Variants in CSMD1 observed in about 807,000 individuals in gnomAD.
CSMD1 encodes CUB and sushi domain-containing protein 1.
A neutral mutation model predicts 417.5 loss-of-function variants in CSMD1; 213 were observed. The ratio of observed to expected loss-of-function variants is 0.51; its 90% CI spans 0.46 to 0.57. The LOEUF is 0.57. Ranked by LOEUF, CSMD1 falls within the 20% of genes least tolerant of loss-of-function variation. CSMD1 has a pLI of 0.00. For missense variants in CSMD1, 6,923 were observed against 4,529.7 expected, an observed-to-expected ratio of 1.53 and a Z score of -15.17; for synonymous variants, 2,862 against 1,736.8, an observed-to-expected ratio of 1.65 and a Z score of -16.11.
intron 3 of CSMD1, among the ~76,000 whole-genome samples, chr8:4,167,324 G>C (rs924745677): frequency 3.9e-5 from 6 of 152,066 alleles, no homozygotes; most frequent in African/African-American, 1.4e-4. Flanking sequence ...TAACTTAGAG[G>C]TATCTAAGTA....
chr8:4,131,434 C>A (rs1167750000), intron 3 of CSMD1, among the ~76,000 whole-genome samples: 1 of 152,158 alleles, frequency 6.6e-6, no homozygotes, highest in Non-Finnish European at 1.5e-5. Flanking sequence ...TCAACTACCC[C>A]TGAGGTCAAA....
At chr8:3,008,996 A>C (rs1034701437) in intron 52 of CSMD1, among the ~76,000 whole-genome samples, 2 of 152,194 alleles carry the variant, frequency 1.3e-5, no homozygotes, top group African/African-American at 4.8e-5. Context: ...CCTGATTTGG[A>C]AATGTAATAA....
At chr8:4,363,062 T>C (rs1246183437) in intron 3 of CSMD1, among the ~76,000 whole-genome samples, 5 of 152,190 alleles carry the variant, frequency 3.3e-5, no homozygotes, top group Admixed American at 6.5e-5. Context: ...AAATTGAATT[T>C]TCTCTTCAGA....
chr8:3,690,644 A>C (rs954925205), intron 7 of CSMD1, among the ~76,000 whole-genome samples: 1 of 152,172 alleles, frequency 6.6e-6, no homozygotes, highest in African/African-American at 2.4e-5. Flanking sequence ...ATATTCTTTC[A>C]CTAATTTGTC....
intron 3 of CSMD1, among the ~76,000 whole-genome samples, chr8:4,219,024 T>A (rs1800859277): frequency 6.6e-6 from 1 of 152,210 alleles, no homozygotes; most frequent in Admixed American, 6.5e-5. Flanking sequence ...TCACACTTTG[T>A]GTCATTTCCC....
chr8:3,954,082 C>G (rs373281349), intron 5 of CSMD1, among the ~76,000 whole-genome samples: 5 of 152,136 alleles, frequency 3.3e-5, no homozygotes, highest in Middle Eastern at 3.2e-3. Flanking sequence ...CTCTAGGAAG[C>G]TCGTGCAGGG....
intron 2 of CSMD1, among the ~76,000 whole-genome samples, chr8:4,507,717 T>C (rs952947252): frequency 1.1e-4 from 17 of 152,260 alleles, no homozygotes; most frequent in African/African-American, 4.1e-4. Context: ...GAAAATGACA[T>C]TTTCAAGCTA....
At chr8:4,484,697 C>T (rs577745966) in intron 2 of CSMD1, among the ~76,000 whole-genome samples, 9 of 152,078 alleles carry the variant, frequency 5.9e-5, no homozygotes, top group Middle Eastern at 3.4e-3. Context: ...TCACCGGGCA[C>T]GATGGCTCAC....
intron 5 of CSMD1, among the ~76,000 whole-genome samples, chr8:3,854,240 T>C (rs1030911965): frequency 6.7e-6 from 1 of 150,362 alleles, no homozygotes. Flanking sequence ...TTTCTTAAAA[T>C]CTCAGGAGTA....
chr8:4,963,948 C>A (rs967445423), intron 1 of CSMD1, among the ~76,000 whole-genome samples: 1 of 152,110 alleles, frequency 6.6e-6, no homozygotes, highest in Non-Finnish European at 1.5e-5. Flanking sequence ...AAGCTGATTT[C>A]ATACCAAATA....
chr8:4,141,328 C>T (rs887807549), intron 3 of CSMD1, among the ~76,000 whole-genome samples: 1 of 151,180 alleles, frequency 6.6e-6, no homozygotes, highest in Non-Finnish European at 1.5e-5. Context: ...GGAAATGAAG[C>T]TACTACTGTT....
intron 5 of CSMD1, among the ~76,000 whole-genome samples, chr8:3,774,571 G>C (rs746818444): frequency 6.6e-6 from 1 of 152,144 alleles, no homozygotes; most frequent in Admixed American, 6.5e-5. Flanking sequence ...AGAACGTCAT[G>C]TCTTCCTGCT....
At chr8:4,622,302 A>G (rs1164202575) in intron 2 of CSMD1, among the ~76,000 whole-genome samples, 1 of 151,978 alleles carries the variant, frequency 6.6e-6, no homozygotes, top group Non-Finnish European at 1.5e-5. Context: ...CTGAGGAGGG[A>G]GGATTTAGTG....
chr8:3,613,902 T>G (rs1358204724), intron 8 of CSMD1, among the ~76,000 whole-genome samples: 1 of 152,016 alleles, frequency 6.6e-6, no homozygotes, highest in Admixed American at 6.6e-5. Context: ...TCTTGTAAAA[T>G]AGTTTCTTAC....
chr8:3,016,174 T>C (rs1808811108), intron 52 of CSMD1, among the ~76,000 whole-genome samples: 1 of 152,200 alleles, frequency 6.6e-6, no homozygotes, highest in African/African-American at 2.4e-5. Flanking sequence ...TCAAAAAATA[T>C]CATCATTTAT....
At chr8:3,147,312 C>A (rs1277012741) in intron 40 of CSMD1, among the ~76,000 whole-genome samples, 5 of 152,176 alleles carry the variant, frequency 3.3e-5, no homozygotes, top group African/African-American at 1.2e-4. Flanking sequence ...TTCCCAAAAT[C>A]TCATGATTTC....
intron 2 of CSMD1, among the ~76,000 whole-genome samples, chr8:4,448,053 A>C (rs1276531011): frequency 6.6e-6 from 1 of 152,180 alleles, no homozygotes; most frequent in Non-Finnish European, 1.5e-5. Flanking sequence ...TTCCTGGAAT[A>C]TCACCCCTAA....
intron 4 of CSMD1, among the ~76,000 whole-genome samples, chr8:4,006,757 T>G (rs1816147056): frequency 6.6e-6 from 1 of 151,934 alleles, no homozygotes; most frequent in Admixed American, 6.6e-5. Flanking sequence ...AACTCACCAC[T>G]ATTTATTACG....
chr8:4,242,163 T>C (rs1802442929), intron 3 of CSMD1, among the ~76,000 whole-genome samples: 2 of 152,190 alleles, frequency 1.3e-5, no homozygotes, highest in Admixed American at 1.3e-4. Context: ...AAATTAGACA[T>C]CCTTCTCAGA....
Sources: gnomAD v4.1 joint callset for allele counts (sites outside exome capture counted in the v4.1 genomes callset) on GRCh38, gnomAD v4.1.1 for gene constraint, MANE v1.5 for transcripts, NCBI Gene and HGNC (gene_info 2026-07-23, HGNC 2026-07-21) for gene names.